Variants in WDR70 observed in about 807,000 individuals in gnomAD.
WDR70 encodes the protein WD repeat domain 70, also known as WD repeat-containing protein 70.
Under a neutral mutation model 88.6 loss-of-function variants are expected in WDR70, and 53 were observed. The ratio of observed to expected loss-of-function variants is 0.60; its 90% CI spans 0.48 to 0.75. The LOEUF is 0.75. Ranked by LOEUF, WDR70 falls within the 30% of genes least tolerant of loss-of-function variation. The probability of loss-of-function intolerance (pLI) is 0.00; values close to 1 mark genes in which losing one functional copy is unlikely to be tolerated. For synonymous variants in WDR70, 280 were observed against 270.0 expected (o/e 1.04, Z -0.36); for missense variants, 610 against 823.2 (o/e 0.74, Z 3.17).
At chr5:37,499,118 C>CTTTTTTTT (rs1249708604) in intron 8 of WDR70, among the ~76,000 whole-genome samples, 1 of 144,666 alleles carries the variant, frequency 6.9e-6, no homozygotes. Context: ...GTTTGTCATT[C>CTTTTTTTT]TTTTTTTTTT....
At chr5:37,531,538 T>C (rs898485138) in intron 9 of WDR70, among the ~76,000 whole-genome samples, 1 of 151,870 alleles carries the variant, frequency 6.6e-6, no homozygotes, top group Non-Finnish European at 1.5e-5. Context: ...TTTATCATTA[T>C]ATGATATCAT....
intron 8 of WDR70, among the ~76,000 whole-genome samples, chr5:37,504,702 T>A (rs1486840714): frequency 6.6e-6 from 1 of 152,188 alleles, no homozygotes; most frequent in Non-Finnish European, 1.5e-5. Flanking sequence ...TATTTACCCT[T>A]TACTGTTAAG....
chr5:37,727,685 C>A (rs1487640730), intron 17 of WDR70, among the ~76,000 whole-genome samples: 2 of 152,118 alleles, frequency 1.3e-5, no homozygotes, highest in East Asian at 3.9e-4. Context: ...AAAGGATTCT[C>A]CTTCCTCAGC....
chr5:37,397,408 G>T (rs1749051295), intron 5 of WDR70, among the ~76,000 whole-genome samples: 2 of 151,244 alleles, frequency 1.3e-5, no homozygotes, highest in Non-Finnish European at 1.5e-5. Context: ...GGCAGAGGTT[G>T]CAGTGAGCTG....
chr5:37,448,325 A>G (rs933637743), intron 7 of WDR70, among the ~76,000 whole-genome samples: 8 of 152,112 alleles, frequency 5.3e-5, no homozygotes, highest in African/African-American at 1.4e-4. Flanking sequence ...TTCCTTTCCA[A>G]GTCCTGGAAT....
At chr5:37,716,601 C>T (rs1747663131) in intron 13 of WDR70, among the ~76,000 whole-genome samples, 1 of 152,092 alleles carries the variant, frequency 6.6e-6, no homozygotes, top group Non-Finnish European at 1.5e-5. Flanking sequence ...GGGAAAGTTA[C>T]CACTCTCTAC....
chr5:37,673,446 G>A (rs1000393100), intron 10 of WDR70, among the ~76,000 whole-genome samples: 14 of 151,940 alleles, frequency 9.2e-5, no homozygotes, highest in African/African-American at 3.1e-4. Context: ...TCAAATGGTG[G>A]TTCTGTTTTT....
intron 10 of WDR70, among the ~76,000 whole-genome samples, chr5:37,612,361 T>C (rs1443622573): frequency 1.3e-5 from 2 of 152,148 alleles, no homozygotes; most frequent in African/African-American, 2.4e-5. Flanking sequence ...ATCTGAGATA[T>C]ACAATTACAT....
chr5:37,461,912 G>C (rs1330949792), intron 7 of WDR70, among the ~76,000 whole-genome samples: 1 of 152,080 alleles, frequency 6.6e-6, no homozygotes, highest in Non-Finnish European at 1.5e-5. Context: ...GCTTCCATAA[G>C]GGCATCCTTG....
At chr5:37,733,899 ACTTTAT>A (rs1748226162) in intron 17 of WDR70, among the ~76,000 whole-genome samples, 1 of 151,900 alleles carries the variant, frequency 6.6e-6, no homozygotes, top group East Asian at 1.9e-4. Flanking sequence ...ATTTTTACTT[ACTTTAT>A]CTTTTTGTGC....
At chr5:37,589,578 A>T (rs1041960640) in intron 9 of WDR70, among the ~76,000 whole-genome samples, 1 of 151,618 alleles carries the variant, frequency 6.6e-6, no homozygotes, top group African/African-American at 2.4e-5. Context: ...CTGCTTATTT[A>T]TTTTTATTTT....
intron 5 of WDR70, among the ~76,000 whole-genome samples, chr5:37,400,984 A>G (rs1398804387): frequency 2.0e-5 from 3 of 151,978 alleles, no homozygotes; most frequent in African/African-American, 7.2e-5. Context: ...TAATTTGGTA[A>G]GCTTTGTAGA....
At chr5:37,518,641 T>C (rs1740968706) in intron 9 of WDR70, among the ~76,000 whole-genome samples, 1 of 152,122 alleles carries the variant, frequency 6.6e-6, no homozygotes, top group Non-Finnish European at 1.5e-5. Flanking sequence ...ATTTTGGCTA[T>C]TGCAAACAGT....
intron 9 of WDR70, among the ~76,000 whole-genome samples, chr5:37,592,271 CAG>C (rs1416026365): frequency 6.6e-6 from 1 of 152,086 alleles, no homozygotes; most frequent in Non-Finnish European, 1.5e-5. Context: ...TTGCATCAAA[CAG>C]TGTGTGTACA....
chr5:37,541,239 T>A (rs1204592930), intron 9 of WDR70, among the ~76,000 whole-genome samples: 1 of 152,200 alleles, frequency 6.6e-6, no homozygotes. Flanking sequence ...AATTGATTAC[T>A]TTTGAAATGA....
In WDR70 at chr5:37,752,749, C is replaced by T; in HGVS notation, c.*176C>T. The T allele has an allele frequency of 1.8e-6, 1 of 549,880 alleles. No individual in the cohort carries two copies. The highest frequency in any genetic ancestry group is 3.2e-6 in the Non-Finnish European group (1 of 313,344). 34.1% of individuals were successfully genotyped at this position (549,880 alleles called of 1,614,324 possible). A position where few individuals can be genotyped will look rare whatever the true frequency, so the allele number is the denominator to read the frequency against. ...TTCACTAAAATTGTGCTTAAATTTT[C>T]TTACCTGCAACTATTAAACTGATTA... On this transcript the variant is annotated 3_prime_UTR_variant, in exon 18 of 18. Coordinates refer to ENST00000265107, the MANE Select transcript of WDR70 (RefSeq NM_018034.4).
chr5:37,539,021 C>G (rs1040242791), intron 9 of WDR70, among the ~76,000 whole-genome samples: 1 of 152,174 alleles, frequency 6.6e-6, no homozygotes, highest in Non-Finnish European at 1.5e-5. Context: ...CAGCACAGAG[C>G]TCAGCCCATT....
intron 5 of WDR70, among the ~76,000 whole-genome samples, chr5:37,400,969 A>G (rs1749171564): frequency 6.6e-6 from 1 of 152,066 alleles, no homozygotes; most frequent in Admixed American, 6.6e-5. Context: ...TCTCTGGAGG[A>G]TGTGTAATTT....
chr5:37,445,879 C>T (rs1471245106), intron 7 of WDR70, among the ~76,000 whole-genome samples: 1 of 152,158 alleles, frequency 6.6e-6, no homozygotes, highest in Non-Finnish European at 1.5e-5. Context: ...AAAACTGGCA[C>T]AAGACAGGGA....
Sources: allele counts gnomAD v4.1 joint callset (sites outside exome capture counted in the v4.1 genomes callset), GRCh38; gene constraint gnomAD v4.1.1; transcripts MANE v1.5; gene names NCBI Gene and HGNC (gene_info 2026-07-23, HGNC 2026-07-21).